Variants in CTSB observed in about 807,000 individuals in gnomAD.
CTSB encodes APP secretase.
In CTSB, 57 loss-of-function variants were observed where a neutral mutation model predicts 44.3. The ratio of observed to expected loss-of-function variants is 1.29; its 90% CI spans 1.04 to 1.60. CTSB has a LOEUF of 1.60. Among genes scored for constraint, CTSB ranks in the 40% most tolerant of loss-of-function variants. The pLI is 0.00. For missense variants in CTSB, 768 were observed against 443.0 expected (o/e 1.73, Z -6.59); for synonymous variants, 320 against 168.0 (o/e 1.91, Z -7.00).
Position 11,845,152 on chromosome 8 carries a change from G to A in CTSB, c.993C>T (p.Arg331=), listed in dbSNP as rs764030312. The A allele has an allele frequency of 1.2e-6, 2 of 1,613,644 alleles. No individual in the cohort carries two copies. Among genetic ancestry groups the A allele is most frequent in the East Asian group, 4.5e-5 (2 of 44,900 alleles). The change falls in exon 10 of 10, where the codon CGC becomes CGT. Residue 331 remains arginine, a synonymous_variant. Coordinates refer to ENST00000353047, the MANE Select transcript of CTSB (RefSeq NM_001908.5). The part of the protein sequence containing the change: ...IESEVVAGIP[R]TDQYWEKI ...AGATCTTTTCCCAGTACTGATCGGTGCGTGGAATTCCAGCCACCACTTCTG... is the reference window on the plus strand; with the variant it reads ...AGATCTTTTCCCAGTACTGATCGGTACGTGGAATTCCAGCCACCACTTCTG...
intron 3 of CTSB, among the ~76,000 whole-genome samples, chr8:11,852,290 G>C (rs1814733686): frequency 6.6e-6 from 1 of 152,134 alleles, no homozygotes; most frequent in Non-Finnish European, 1.5e-5. Context: ...AGAATCGCTT[G>C]AACCCGGGAG....
At position 11,848,373 on chromosome 8, in the gene CTSB, C is replaced by A. The variant is rs1363595815; in HGVS notation, c.447-221G>T. ...CAGCCCCACCCCTGCCCACAAAGAT[C>A]CGGGAGAAGACAGGAGGCTCTCCTG... On this transcript the variant is annotated intron_variant, in intron 5 of 9. Transcript: ENST00000353047. 4.5e-6 allele frequency: 3 copies of A among 665,654 alleles called. No individual in the cohort carries two copies. The South Asian group carries it at 4.5e-5, about 10-fold the overall frequency. The allele number at this position is 665,654 out of a possible 1,614,324, so 41.2% of individuals were successfully genotyped here.
intron 9 of CTSB, 30 bp from the exon 10 acceptor site, chr8:11,845,252 G>C: frequency 2.0e-6 from 3 of 1,527,636 alleles, no homozygotes; most frequent in Non-Finnish European, 2.7e-6. Flanking sequence ...TGCTTTTAAA[G>C]TGTGACAAGG....
intron 5 of CTSB, 35 bp from the exon 6 acceptor site, chr8:11,848,187 G>T: frequency 1.3e-6 from 2 of 1,578,488 alleles, no homozygotes; most frequent in Non-Finnish European, 1.7e-6. Context: ...ACCTCTGAGA[G>T]AAGCACCACC....
chr8:11,855,842 A>G (rs1193427733), intron 1 of CTSB, among the ~76,000 whole-genome samples: 2 of 151,974 alleles, frequency 1.3e-5, no homozygotes, highest in East Asian at 3.9e-4. Context: ...ACATGGTGAA[A>G]CCCCGTCTCC....
At chr8:11,845,271 A>C (rs752256149) in intron 9 of CTSB, 49 bp from the exon 10 acceptor site, 5 of 1,395,804 alleles carry the variant, frequency 3.6e-6, no homozygotes, top group African/African-American at 1.4e-5. Context: ...GGGTCAACCA[A>C]TATAGTCAGA....
At chr8:11,858,987 G>A (rs537585787) in intron 1 of CTSB, among the ~76,000 whole-genome samples, 1 of 152,246 alleles carries the variant, frequency 6.6e-6, no homozygotes, top group South Asian at 2.1e-4. Flanking sequence ...GAACTCTTGT[G>A]TGCCACAAGA....
At position 11,843,274 on chromosome 8, in the gene CTSB, T is replaced by TGA. The variant is rs1812594735; in HGVS notation, c.*1850_*1851insTC. 3 of 152,174 alleles carry TGA rather than the reference T, an allele frequency of 2.0e-5. No individual in the cohort carries two copies. Among genetic ancestry groups the TGA allele is most frequent in the South Asian group, 2.1e-4 (1 of 4,830 alleles). 9.4% of individuals were successfully genotyped at this position (152,174 alleles called of 1,614,324 possible). Reference sequence around the variant, plus strand: ...TATGCTCATCATGGCACTTAAGAGATGCTTAACAAACCTTTCCTACAATGT... The same window carrying TGA: ...TATGCTCATCATGGCACTTAAGAGATGAGCTTAACAAACCTTTCCTACAATGT... On this transcript the variant is annotated 3_prime_UTR_variant, in exon 10 of 10. Transcript: ENST00000353047.
intron 7 of CTSB, 30 bp from the exon 8 acceptor site, chr8:11,847,198 G>A (rs147685738): frequency 0.026 from 38,579 of 1,466,676 alleles, 654 homozygotes; most frequent in Non-Finnish European, 0.032. Flanking sequence ...CGGGGTTGGG[G>A]AGGGCAGTGA....
Position 11,842,678 on chromosome 8 carries a change from C to G in CTSB, c.*2447G>C, listed in dbSNP as rs1456536862. ...TGAGACACAGATTCACTCTTGTCCC[C>G]CAGGCTGGAGTGCAATGGCGTGATC... is the stretch of plus-strand genomic sequence containing the variant. On this transcript the variant is annotated 3_prime_UTR_variant, in exon 10 of 10. Transcript: ENST00000353047. 1 of 152,008 alleles carries G rather than the reference C, an allele frequency of 6.6e-6. No homozygotes were observed. The highest frequency in any genetic ancestry group is 1.5e-5 in the Non-Finnish European group (1 of 68,034). 9.4% of individuals were successfully genotyped at this position (152,008 alleles called of 1,614,324 possible).
intron 1 of CTSB, among the ~76,000 whole-genome samples, chr8:11,863,507 A>C (rs900384908): frequency 2.0e-5 from 3 of 152,164 alleles, no homozygotes; most frequent in Non-Finnish European, 4.4e-5. Flanking sequence ...GACCAACAAT[A>C]AAAACAGGAA....
intron 9 of CTSB, among the ~76,000 whole-genome samples, 187 bp downstream of exon 9, chr8:11,845,474 A>G (rs1245675581): frequency 6.6e-6 from 1 of 152,176 alleles, no homozygotes; most frequent in Non-Finnish European, 1.5e-5. Flanking sequence ...TTGGCTCTGA[A>G]GCTGCTCAGA....
chr8:11,851,549 T>G (rs1257586204), intron 3 of CTSB, among the ~76,000 whole-genome samples: 3 of 152,106 alleles, frequency 2.0e-5, no homozygotes, highest in African/African-American at 7.2e-5. Context: ...TAAGATGAAT[T>G]TATCCACAAA....
rs1016167452 is a variant in CTSB, at chr8:11,843,125, T to C, written c.*2000A>G. ...CACCATGCCCAGCTAATTTTTGTAT[T>C]TTTAGTAGAGGTGAGGTTTCAGCAT... is the stretch of plus-strand genomic sequence containing the variant. On this transcript the variant is annotated 3_prime_UTR_variant, in exon 10 of 10. Transcript: ENST00000353047. 2 of 152,016 alleles carry C rather than the reference T, an allele frequency of 1.3e-5. No individual in the cohort carries two copies. The highest frequency in any genetic ancestry group is 4.8e-5 in the African/African-American group (2 of 41,322). The allele number at this position is 152,016 out of a possible 1,614,324, so 9.4% of individuals were successfully genotyped here. A position where few individuals can be genotyped will look rare whatever the true frequency, so the allele number is the denominator to read the frequency against.
chr8:11,859,558 C>G (rs955995031), intron 1 of CTSB, among the ~76,000 whole-genome samples: 1 of 151,506 alleles, frequency 6.6e-6, no homozygotes, highest in East Asian at 1.9e-4. Context: ...GTCAGGAGTT[C>G]GAGACCAGCC....
chr8:11,851,050 C>T (rs1814505343), intron 3 of CTSB, 70 bp from the exon 4 acceptor site: 1 of 1,136,528 alleles, frequency 8.8e-7, no homozygotes, highest in Non-Finnish European at 1.3e-6. Context: ...GCAAAGGCCA[C>T]TTTGGCTGGG....
Position 11,845,182 on chromosome 8 carries a change from G to A in CTSB, c.963C>T (p.Ile321=), listed in dbSNP as rs142780869. 59 of 1,613,904 alleles carry A rather than the reference G, an allele frequency of 3.7e-5. No individual in the cohort carries two copies. The African/African-American group carries it at 5.7e-4, about 16-fold the overall frequency. Residue 321 remains isoleucine (I), a synonymous_variant, in exon 10 of 10, where the codon ATC becomes ATT. Transcript: ENST00000353047. Reference sequence around the variant, plus strand: ...GAATTCCAGCCACCACTTCTGATTCGATTCCACAGTGATCCTGTCCTCTGA... The same window carrying A: ...GAATTCCAGCCACCACTTCTGATTCAATTCCACAGTGATCCTGTCCTCTGA... ...KILRGQDHCG[I]ESEVVAGIPR...
chr8:11,850,957 T>C lies in CTSB; in HGVS notation c.236A>G (p.Lys79Arg), dbSNP rs1814484905. The C allele has an allele frequency of 6.2e-7, 1 of 1,613,026 alleles. No individual in the cohort carries two copies. The highest frequency in any genetic ancestry group is 8.5e-7 in the Non-Finnish European group (1 of 1,179,372). The change falls in exon 4 of 10, where the codon AAG becomes AGG. Residue 79 changes from lysine to arginine, a missense_variant. Lys to Arg is a conservative substitution (Grantham distance 26). Coordinates refer to ENST00000353047, the MANE Select transcript of CTSB (RefSeq NM_001908.5). ...PQRVMFTEDLKLPASFDAREQ... is the reference protein window; with the variant it reads ...PQRVMFTEDLRLPASFDAREQ... Reference sequence around the variant, plus strand: ...CCGTGCATCGAAGCTTGCAGGCAGCTTCAGGTCCTCGGTAAACATAACTCT... The same window carrying C: ...CCGTGCATCGAAGCTTGCAGGCAGCCTCAGGTCCTCGGTAAACATAACTCT...
intron 4 of CTSB, 130 bp downstream of exon 4, chr8:11,850,736 G>A (rs1814433499): frequency 1.0e-5 from 6 of 592,722 alleles, no homozygotes; most frequent in East Asian, 2.9e-5. Context: ...TTGTACTGAT[G>A]GAAACTGGGA....
Sources: gnomAD v4.1 joint callset for allele counts (sites outside exome capture counted in the v4.1 genomes callset) on GRCh38, gnomAD v4.1.1 for gene constraint, MANE v1.5 for transcripts, NCBI Gene and HGNC (gene_info 2026-07-23, HGNC 2026-07-21) for gene names.